The following CWH43 variants were observed in gnomAD, a reference collection of about 807,000 sequenced individuals.
The protein encoded by CWH43 is PGAP2-interacting protein.
CWH43 carries 91 observed loss-of-function variants against 85.7 expected under a neutral mutation model. The observed-to-expected ratio is 1.06, with a 90% CI of 0.90 to 1.26. CWH43 has a LOEUF of 1.26. Ranked by LOEUF, CWH43 falls within the 50% of genes most tolerant of loss-of-function variation. The probability of loss-of-function intolerance (pLI) is 0.00; values close to 1 mark genes in which losing one functional copy is unlikely to be tolerated. For synonymous variants in CWH43, 323 were observed against 293.6 expected (o/e 1.10, Z -1.02); for missense variants, 869 against 839.2 (o/e 1.04, Z -0.44).
rs749457329 is a variant in CWH43, at chr4:49,032,671, G to T, written c.1614G>T (p.Ser538=). 1.2e-6 allele frequency: 2 copies of T among 1,614,020 alleles called. No individual in the cohort carries two copies. The highest frequency in any genetic ancestry group is 1.7e-6 in the Non-Finnish European group (2 of 1,179,940). The change falls in exon 12 of 16, where the codon TCG becomes TCT. Residue 538 remains serine (S), a synonymous_variant. Transcript: ENST00000226432. ...APAITLTVNI[S]GKLVDFVVTH... is the part of the protein sequence containing the mutation. ...CCATCACATTGACCGTTAACATTTCGGGCAAGCTGGTGGATTTTGTCGTGA... is the reference window on the plus strand; with the variant it reads ...CCATCACATTGACCGTTAACATTTCTGGCAAGCTGGTGGATTTTGTCGTGA...
chr4:48,993,507 G>T (rs1425725850), intron 4 of CWH43, among the ~76,000 whole-genome samples: 1 of 152,130 alleles, frequency 6.6e-6, no homozygotes, highest in Non-Finnish European at 1.5e-5. Flanking sequence ...CCTTCCTTCT[G>T]TCCTGTAGAG....
At chr4:49,019,361 A>G (rs1404383446) in intron 9 of CWH43, among the ~76,000 whole-genome samples, 1 of 152,034 alleles carries the variant, frequency 6.6e-6, no homozygotes, top group Non-Finnish European at 1.5e-5. Flanking sequence ...ATGTTGGCAG[A>G]AGGAACACAT....
chr4:49,060,224 T>C (rs1785106165), intron 15 of CWH43, among the ~76,000 whole-genome samples: 1 of 151,386 alleles, frequency 6.6e-6, no homozygotes, highest in African/African-American at 2.4e-5. Flanking sequence ...GGAGCCTGGG[T>C]CTGTGGGTAT....
chr4:49,017,757 T>G (rs1171967887), intron 9 of CWH43, among the ~76,000 whole-genome samples: 1 of 152,002 alleles, frequency 6.6e-6, no homozygotes, highest in East Asian at 1.9e-4. Flanking sequence ...AAACTTGCAA[T>G]CATAGTGAAA....
intron 9 of CWH43, among the ~76,000 whole-genome samples, chr4:49,019,626 CT>C (rs1230268725): frequency 3.3e-5 from 5 of 151,722 alleles, no homozygotes; most frequent in Non-Finnish European, 7.4e-5. Flanking sequence ...GTAACCCAGG[CT>C]GGGGTGCAGT....
chr4:49,057,807 C>A (rs774921693), intron 15 of CWH43, among the ~76,000 whole-genome samples: 1 of 152,036 alleles, frequency 6.6e-6, no homozygotes, highest in African/African-American at 2.4e-5. Context: ...ATGGTGGGTG[C>A]ACATATATTT....
chr4:49,056,382 C>T (rs1784964421), intron 15 of CWH43, among the ~76,000 whole-genome samples: 2 of 152,082 alleles, frequency 1.3e-5, no homozygotes, highest in Non-Finnish European at 2.9e-5. Flanking sequence ...TGAATTTCTT[C>T]ATGAGTCAGT....
chr4:49,012,885 C>T (rs191460928), intron 8 of CWH43, among the ~76,000 whole-genome samples: 102 of 152,270 alleles, frequency 6.7e-4, no homozygotes, highest in African/African-American at 2.3e-3. Flanking sequence ...TTGGCACCCA[C>T]CTGTATGAGG....
chr4:48,993,692 C>T (rs1405578449), intron 4 of CWH43, among the ~76,000 whole-genome samples: 2 of 152,152 alleles, frequency 1.3e-5, no homozygotes, highest in African/African-American at 4.8e-5. Flanking sequence ...AGCTCCAATC[C>T]CAGGTTCCTA....
At chr4:49,038,010 A>G (rs1169780129) in intron 12 of CWH43, 26 bp from the exon 13 acceptor site, 1 of 1,582,960 alleles carries the variant, frequency 6.3e-7, no homozygotes. Context: ...AAATACAATA[A>G]AGGGTCATAT....
chr4:49,032,535 G>A (rs1356810391), intron 11 of CWH43, 31 bp from the exon 12 acceptor site: 2 of 1,612,032 alleles, frequency 1.2e-6, no homozygotes, highest in African/African-American at 2.7e-5. Context: ...GACTGACAAT[G>A]ATGCCCATGT....
In CWH43 at chr4:49,034,381, C is replaced by T. The variant is rs142832756; in HGVS notation, c.1658+1666C>T. ...TTTTTTCCTTTGCCTTTTTCCCCGT[C>T]TCCTTTAACTCTCTCCAATATATCC... On this transcript the variant is annotated intron_variant, in intron 12 of 15. Coordinates refer to ENST00000226432, the MANE Select transcript of CWH43 (RefSeq NM_025087.3). Among the ~76,000 whole-genome samples, 868 of 152,228 alleles carry T rather than the reference C, an allele frequency of 5.7e-3. 3 individuals are homozygous for T. Among genetic ancestry groups the T allele is most frequent in the Non-Finnish European group, 8.7e-3 (589 of 68,004 alleles).
chr4:49,028,187 A>G (rs1217839722), intron 9 of CWH43, among the ~76,000 whole-genome samples: 5 of 152,124 alleles, frequency 3.3e-5, no homozygotes, highest in African/African-American at 1.2e-4. Context: ...CATCTGATGT[A>G]TCTATTTTGC....
chr4:49,021,731 T>G (rs916933132), intron 9 of CWH43, among the ~76,000 whole-genome samples: 3 of 152,212 alleles, frequency 2.0e-5, no homozygotes, highest in African/African-American at 2.4e-5. Flanking sequence ...CTTTCAGCAG[T>G]GTTTTGTAAT....
chr4:49,046,052 C>T (rs1190146774), intron 14 of CWH43, among the ~76,000 whole-genome samples: 6 of 152,056 alleles, frequency 3.9e-5, no homozygotes, highest in Non-Finnish European at 8.8e-5. Flanking sequence ...ATTCTACTCT[C>T]AACTTCTTTT....
At chr4:48,991,304 A>G (rs1782648074) in intron 2 of CWH43, 150 bp from the exon 3 acceptor site, 1 of 729,546 alleles carries the variant, frequency 1.4e-6, no homozygotes, top group Admixed American at 2.7e-5. Context: ...TTGTATTTCA[A>G]TAAAAATTTT....
At chr4:49,049,792 T>C (rs1272461514) in intron 14 of CWH43, among the ~76,000 whole-genome samples, 1 of 152,102 alleles carries the variant, frequency 6.6e-6, no homozygotes, top group Non-Finnish European at 1.5e-5. Context: ...ATTGCAGAGG[T>C]ATGCCCTGAC....
At chr4:49,014,474 AAGAG>A (rs1217641626) in intron 8 of CWH43, among the ~76,000 whole-genome samples, 1 of 151,864 alleles carries the variant, frequency 6.6e-6, no homozygotes, top group Non-Finnish European at 1.5e-5. Context: ...AAAAAAAAAA[AAGAG>A]AGAAGAAAAG....
chr4:48,998,833 A>G (rs6850199), intron 6 of CWH43, among the ~76,000 whole-genome samples: 88,942 of 152,020 alleles, frequency 0.59, 29,465 homozygotes, highest in Middle Eastern at 0.76. Context: ...AAATACATAA[A>G]CAAGGCACAT....
Sources: allele counts gnomAD v4.1 joint callset (sites outside exome capture counted in the v4.1 genomes callset), GRCh38; gene constraint gnomAD v4.1.1; transcripts MANE v1.5; gene names NCBI Gene and HGNC (gene_info 2026-07-23, HGNC 2026-07-21).